The following RARB variants were observed in gnomAD, a reference collection of about 807,000 sequenced individuals.
The protein encoded by RARB is HBV-activated protein.
Under a neutral mutation model 51.9 loss-of-function variants are expected in RARB, and 17 were observed. That is an observed-to-expected ratio of 0.33 (90% CI 0.22 to 0.49). The LOEUF (loss-of-function observed/expected upper bound fraction) is 0.49, where lower values mean the gene tolerates loss of function less well. Ranked by LOEUF, RARB falls within the 20% of genes least tolerant of loss-of-function variation. RARB has a pLI of 0.99. For missense variants in RARB, 369 were observed against 550.8 expected (o/e 0.67, Z 3.30); for synonymous variants, 215 against 195.4 (o/e 1.10, Z -0.84).
At chr3:24,974,108 A>AT (rs1308964707) in intron 2 of RARB, among the ~76,000 whole-genome samples, 2 of 151,944 alleles carry the variant, frequency 1.3e-5, no homozygotes, top group Admixed American at 1.3e-4. Flanking sequence ...GGCCCTTATT[A>AT]TTTTGAGGTG....
At chr3:25,343,615 C>T (rs1705298660) in intron 5 of RARB, among the ~76,000 whole-genome samples, 1 of 152,046 alleles carries the variant, frequency 6.6e-6, no homozygotes, top group Non-Finnish European at 1.5e-5. Context: ...AAAATAAATA[C>T]ATTCTTTAAT....
At chr3:24,872,846 T>TTACA (rs1236492953) in intron 2 of RARB, among the ~76,000 whole-genome samples, 3 of 152,178 alleles carry the variant, frequency 2.0e-5, no homozygotes, top group Admixed American at 6.5e-5. Flanking sequence ...CTATGTAATA[T>TTACA]TACAGACTTA....
At chr3:25,270,377 CA>C (rs1703230103) in intron 5 of RARB, among the ~76,000 whole-genome samples, 1 of 151,946 alleles carries the variant, frequency 6.6e-6, no homozygotes, top group Non-Finnish European at 1.5e-5. Context: ...AAGCCAGACA[CA>C]AAAAGACAAA....
intron 2 of RARB, among the ~76,000 whole-genome samples, chr3:24,920,884 T>TA (rs1179273705): frequency 6.6e-6 from 1 of 152,214 alleles, no homozygotes; most frequent in Non-Finnish European, 1.5e-5. Context: ...CAGTTCTACA[T>TA]AATTGATATG....
intron 5 of RARB, among the ~76,000 whole-genome samples, chr3:25,342,756 T>C (rs1032808870): frequency 2.6e-5 from 4 of 152,190 alleles, no homozygotes; most frequent in Admixed American, 1.3e-4. Context: ...AATCTTTTTT[T>C]CATGGTCTTT....
intron 2 of RARB, among the ~76,000 whole-genome samples, chr3:25,467,809 T>A (rs1386731311): frequency 6.6e-6 from 1 of 152,222 alleles, no homozygotes; most frequent in African/African-American, 2.4e-5. Flanking sequence ...AAGCATATGT[T>A]TGTTGAACAC....
At chr3:25,197,473 G>C (rs894499430) in intron 5 of RARB, among the ~76,000 whole-genome samples, 8 of 151,856 alleles carry the variant, frequency 5.3e-5, no homozygotes, top group African/African-American at 1.4e-4. Context: ...AGAAAGAAAG[G>C]CATCCAAATT....
chr3:25,242,641 G>A (rs933413972), intron 5 of RARB, among the ~76,000 whole-genome samples: 20 of 152,026 alleles, frequency 1.3e-4, no homozygotes, highest in Non-Finnish European at 8.8e-5. Flanking sequence ...TATTTCTGAG[G>A]GCTCTGTTCT....
chr3:24,878,938 T>C (rs533214892), intron 2 of RARB, among the ~76,000 whole-genome samples: 1 of 152,358 alleles, frequency 6.6e-6, no homozygotes, highest in East Asian at 1.9e-4. Flanking sequence ...AAATTTCTCA[T>C]TTTTATTTCT....
chr3:24,964,784 C>T (rs906372816), intron 2 of RARB, among the ~76,000 whole-genome samples: 1 of 152,146 alleles, frequency 6.6e-6, no homozygotes, highest in East Asian at 1.9e-4. Flanking sequence ...TCTGCACATG[C>T]TTATTGACAT....
intron 5 of RARB, among the ~76,000 whole-genome samples, chr3:25,388,685 C>T (rs938269082): frequency 6.6e-6 from 1 of 152,126 alleles, no homozygotes; most frequent in Non-Finnish European, 1.5e-5. Flanking sequence ...TGACAATTCA[C>T]AGAGAGCTTA....
intron 3 of RARB, among the ~76,000 whole-genome samples, chr3:25,512,184 A>G (rs996829947): frequency 6.6e-6 from 1 of 152,170 alleles, no homozygotes; most frequent in Non-Finnish European, 1.5e-5. Flanking sequence ...CTGTTCCGGT[A>G]TCTGTTATGA....
At chr3:25,072,116 T>A (rs199950767) in intron 3 of RARB, among the ~76,000 whole-genome samples, 3 of 152,254 alleles carry the variant, frequency 2.0e-5, no homozygotes, top group Admixed American at 1.3e-4. Flanking sequence ...GTGATGATAG[T>A]GTGCCGAATG....
chr3:25,329,254 C>T (rs4681046), intron 5 of RARB, among the ~76,000 whole-genome samples: 1 of 152,180 alleles, frequency 6.6e-6, no homozygotes, highest in Non-Finnish European at 1.5e-5. Flanking sequence ...CCCGAGTAGC[C>T]TAACGGGGAG....
chr3:25,238,240 T>A (rs543775569), intron 5 of RARB, among the ~76,000 whole-genome samples: 2 of 152,240 alleles, frequency 1.3e-5, no homozygotes, highest in East Asian at 1.9e-4. Flanking sequence ...TACATATGAA[T>A]GAAAACATGG....
intron 5 of RARB, among the ~76,000 whole-genome samples, chr3:25,223,566 C>T (rs1049942883): frequency 6.6e-6 from 1 of 152,142 alleles, no homozygotes; most frequent in African/African-American, 2.4e-5. Context: ...CCCATTATGT[C>T]TGCAATATCT....
intron 2 of RARB, among the ~76,000 whole-genome samples, chr3:25,033,103 A>G (rs1459457825): frequency 6.6e-6 from 1 of 152,180 alleles, no homozygotes; most frequent in Admixed American, 6.5e-5. Flanking sequence ...TTAAATTTTT[A>G]CTTTTTGTTT....
intron 2 of RARB, among the ~76,000 whole-genome samples, chr3:24,909,879 G>T (rs558166311): frequency 3.1e-4 from 47 of 152,146 alleles, no homozygotes; most frequent in African/African-American, 1.0e-3. Context: ...GTCTATATTT[G>T]CCAAGTAACA....
intron 5 of RARB, among the ~76,000 whole-genome samples, chr3:25,293,676 A>G (rs865797183): frequency 6.7e-5 from 10 of 148,926 alleles, no homozygotes; most frequent in South Asian, 2.1e-4. Context: ...TCCTAAAACC[A>G]TCATCACCTA....
Sources: allele counts gnomAD v4.1 joint callset (sites outside exome capture counted in the v4.1 genomes callset), GRCh38; gene constraint gnomAD v4.1.1; transcripts MANE v1.5; gene names NCBI Gene and HGNC (gene_info 2026-07-23, HGNC 2026-07-21).